The following CNOT4 variants were observed in gnomAD, a reference collection of about 807,000 sequenced individuals.
CNOT4 encodes CCR4-associated factor 4.
A neutral mutation model predicts 73.8 loss-of-function variants in CNOT4; 8 were observed. The observed-to-expected ratio is 0.11, with a 90% CI of 0.06 to 0.20. The LOEUF (loss-of-function observed/expected upper bound fraction) is 0.20. Ranked by LOEUF, CNOT4 falls within the 10% of genes least tolerant of loss-of-function variation. CNOT4 has a pLI of 1.00. For synonymous variants in CNOT4, 293 were observed against 321.1 expected (o/e 0.91, Z 0.94); for missense variants, 564 against 883.4 (o/e 0.64, Z 4.58).
At chr7:135,419,208 T>C (rs772028146) in intron 3 of CNOT4, among the ~76,000 whole-genome samples, 5 of 152,160 alleles carry the variant, frequency 3.3e-5, no homozygotes, top group African/African-American at 7.2e-5. Flanking sequence ...AGCTTTTTGG[T>C]ATGCAAAAAT....
At chr7:135,471,771 C>T (rs890460298) in intron 1 of CNOT4, among the ~76,000 whole-genome samples, 19 of 152,292 alleles carry the variant, frequency 1.2e-4, no homozygotes, top group South Asian at 1.0e-3. Context: ...ACGTTATACA[C>T]GTAAATCTTG....
intron 10 of CNOT4, among the ~76,000 whole-genome samples, chr7:135,382,373 G>C (rs933687654): frequency 6.8e-4 from 103 of 152,214 alleles, no homozygotes; most frequent in African/African-American, 2.4e-3. Flanking sequence ...AGGGTGATAA[G>C]GAGGTCCAAG....
chr7:135,474,930 C>T (rs1801899119), intron 1 of CNOT4, among the ~76,000 whole-genome samples: 1 of 151,962 alleles, frequency 6.6e-6, no homozygotes, highest in Non-Finnish European at 1.5e-5. Context: ...AAGTTCATGT[C>T]TAGAAATTTT....
chr7:135,460,224 A>G (rs1024165363), intron 1 of CNOT4, among the ~76,000 whole-genome samples: 6 of 152,196 alleles, frequency 3.9e-5, no homozygotes, highest in African/African-American at 1.4e-4. Context: ...CTTATCATTC[A>G]TGTGTTCACT....
chr7:135,368,751 A>G (rs757713286), intron 10 of CNOT4, among the ~76,000 whole-genome samples: 3 of 152,152 alleles, frequency 2.0e-5, no homozygotes, highest in African/African-American at 7.2e-5. Context: ...TACTAGTCCA[A>G]CTGTTTACTA....
chr7:135,392,615 A>G (rs1031879951), intron 10 of CNOT4, among the ~76,000 whole-genome samples: 6 of 152,156 alleles, frequency 3.9e-5, no homozygotes, highest in African/African-American at 1.4e-4. Flanking sequence ...GAGGACTGAA[A>G]AATGTCACTC....
intron 1 of CNOT4, among the ~76,000 whole-genome samples, chr7:135,479,805 G>A (rs946344174): frequency 1.3e-5 from 2 of 152,086 alleles, no homozygotes; most frequent in Non-Finnish European, 2.9e-5. Flanking sequence ...CAGGAGGATT[G>A]CTTGAGCCTG....
chr7:135,397,543 C>G (rs950028338), intron 8 of CNOT4, among the ~76,000 whole-genome samples: 2 of 149,646 alleles, frequency 1.3e-5, no homozygotes, highest in Non-Finnish European at 3.0e-5. Context: ...ACGGGAGATA[C>G]TAAATTACAT....
At chr7:135,402,909 A>G (rs545145851) in intron 7 of CNOT4, among the ~76,000 whole-genome samples, 3 of 152,338 alleles carry the variant, frequency 2.0e-5, no homozygotes, top group East Asian at 3.9e-4. Flanking sequence ...ATATAGTCTC[A>G]TGATTACTTT....
intron 3 of CNOT4, among the ~76,000 whole-genome samples, chr7:135,417,935 T>C (rs1322477140): frequency 6.6e-6 from 1 of 152,236 alleles, no homozygotes; most frequent in African/African-American, 2.4e-5. Flanking sequence ...ATGCTATCCC[T>C]TGTGCCTTTA....
Position 135,414,447 on chromosome 7 carries a change from TC to T in CNOT4, c.460-16del. On this transcript the variant is annotated splice_polypyrimidine_tract_variant and intron_variant, in intron 4 of 11. Coordinates refer to ENST00000541284, the MANE Select transcript of CNOT4 (RefSeq NM_001190850.2). ...GCACTTGGACCCTAAAGTGAAAACATCCCATTCCACTGTTATTAGTTAAAAA... is the reference window on the plus strand; with the variant it reads ...GCACTTGGACCCTAAAGTGAAAACATCCATTCCACTGTTATTAGTTAAAAA... 1 of 1,107,610 alleles carries T rather than the reference TC, an allele frequency of 9.0e-7. No homozygotes were observed. Among genetic ancestry groups the T allele is most frequent in the Non-Finnish European group, 1.4e-6 (1 of 730,058 alleles). The allele number at this position is 1,107,610 out of a possible 1,614,324, so 68.6% of individuals were successfully genotyped here.
chr7:135,451,839 T>C (rs1210978091), intron 1 of CNOT4, among the ~76,000 whole-genome samples: 4 of 152,238 alleles, frequency 2.6e-5, no homozygotes, highest in Non-Finnish European at 5.9e-5. Flanking sequence ...GTATTAAACT[T>C]TGAATCCTTT....
At chr7:135,472,002 G>T (rs890396817) in intron 1 of CNOT4, among the ~76,000 whole-genome samples, 22 of 152,010 alleles carry the variant, frequency 1.4e-4, no homozygotes, top group Admixed American at 1.2e-3. Context: ...GTGAAACCCT[G>T]TCTCTACTAA....
At chr7:135,386,747 T>C (rs1248797371) in intron 10 of CNOT4, 1 of 152,142 alleles carries the variant, frequency 6.6e-6, no homozygotes, top group African/African-American at 2.4e-5. Flanking sequence ...ACGGTGTGCA[T>C]GTAAGTGGGG....
chr7:135,450,748 T>C (rs947866330), intron 1 of CNOT4, among the ~76,000 whole-genome samples: 1 of 152,174 alleles, frequency 6.6e-6, no homozygotes, highest in Non-Finnish European at 1.5e-5. Context: ...ACAATGTCTG[T>C]CTAATTTGTT....
intron 1 of CNOT4, among the ~76,000 whole-genome samples, chr7:135,501,538 G>T (rs568960579): frequency 6.6e-6 from 1 of 152,120 alleles, no homozygotes; most frequent in Non-Finnish European, 1.5e-5. Context: ...CAGTGGCTTG[G>T]TCTCTAATTT....
chr7:135,424,084 CACACACAT>C (rs1379803007), intron 2 of CNOT4, among the ~76,000 whole-genome samples: 1 of 102,136 alleles, frequency 9.8e-6, no homozygotes, highest in Non-Finnish European at 2.1e-5. Flanking sequence ...CACACACACA[CACACACAT>C]TTTTTATTAA....
intron 1 of CNOT4, among the ~76,000 whole-genome samples, chr7:135,480,327 C>T (rs1802291573): frequency 6.6e-6 from 1 of 152,162 alleles, no homozygotes. Flanking sequence ...AAATCCTAGT[C>T]ATTAAATCTC....
chr7:135,405,455 A>G (rs1422383359), intron 7 of CNOT4, among the ~76,000 whole-genome samples: 1 of 152,200 alleles, frequency 6.6e-6, no homozygotes, highest in East Asian at 1.9e-4. Flanking sequence ...GTACTTAAAT[A>G]GCATCTCAAT....
Sources: allele counts gnomAD v4.1 joint callset (sites outside exome capture counted in the v4.1 genomes callset), GRCh38; gene constraint gnomAD v4.1.1; transcripts MANE v1.5; gene names NCBI Gene and HGNC (gene_info 2026-07-23, HGNC 2026-07-21).